The following PRELID2 variants were observed in gnomAD, a reference collection of about 807,000 sequenced individuals.
The protein encoded by PRELID2 is PRELI domain-containing protein 2.
Under a neutral mutation model 28.4 loss-of-function variants are expected in PRELID2, and 25 were observed. That is an observed-to-expected ratio of 0.88 (90% CI 0.64 to 1.23). The LOEUF (loss-of-function observed/expected upper bound fraction) is 1.23. Ranked by LOEUF, PRELID2 falls within the 50% of genes most tolerant of loss-of-function variation. The pLI, the probability that PRELID2 is intolerant of heterozygous loss-of-function variation, is 0.00. For synonymous variants in PRELID2, 76 were observed against 71.6 expected (o/e 1.06, Z -0.31); for missense variants, 201 against 214.4 (o/e 0.94, Z 0.39).
chr5:145,527,874 A>G (rs955906372), intron 1 of PRELID2, among the ~76,000 whole-genome samples: 22 of 152,154 alleles, frequency 1.4e-4, no homozygotes, highest in African/African-American at 4.8e-4. Context: ...GCACCCCGAA[A>G]GTGTTAACTT....
chr5:145,648,583 T>G (rs1006858817), intron 1 of PRELID2, among the ~76,000 whole-genome samples: 1 of 151,436 alleles, frequency 6.6e-6, no homozygotes, highest in Admixed American at 6.6e-5. Flanking sequence ...AGATTTCTTC[T>G]TAGCTCCTGG....
intron 5 of PRELID2, among the ~76,000 whole-genome samples, chr5:145,780,073 G>A (rs1486740960): frequency 6.6e-6 from 1 of 152,224 alleles, no homozygotes; most frequent in African/African-American, 2.4e-5. Context: ...AGCACTTTGG[G>A]AGGCCGAGGC....
At chr5:145,334,350 T>A in the PRELID2 span, among the ~76,000 whole-genome samples, 2 of 152,236 alleles carry the variant, frequency 1.3e-5, no homozygotes, top group African/African-American at 4.8e-5. Flanking sequence ...CTCTACACTT[T>A]TAATTCTCCC....
intron 5 of PRELID2, chr5:145,796,233 T>C (rs1752736874): frequency 2.6e-6 from 1 of 378,912 alleles, no homozygotes. Flanking sequence ...ATTGGCATAT[T>C]TTTAATTTAA....
rs149103603 is a variant in PRELID2 at position 145,600,679 on chromosome 5, T to C, written n.71-127364A>G. On this transcript the variant is annotated intron_variant and non_coding_transcript_variant, in intron 1 of 2. Transcript: ENST00000510259. ...CAAGTTTCCTACAGATTAATGGCAA[T>C]CAAATTTGTGTTAACAATCAAAGAT... is the stretch of plus-strand genomic sequence containing the variant. Among the ~76,000 whole-genome samples, 196 of 151,866 alleles carry C rather than the reference T, an allele frequency of 1.3e-3. 2 individuals carry two copies. Among genetic ancestry groups the C allele is most frequent in the African/African-American group, 4.6e-3 (191 of 41,374 alleles).
chr5:145,623,359 A>G (rs1250502163), intron 1 of PRELID2, among the ~76,000 whole-genome samples: 3 of 151,962 alleles, frequency 2.0e-5, no homozygotes, highest in Admixed American at 6.6e-5. Flanking sequence ...GAGACAAGAG[A>G]ATCACTTGAA....
chr5:145,391,096 G>A, the PRELID2 span, among the ~76,000 whole-genome samples: 1 of 152,300 alleles, frequency 6.6e-6, no homozygotes, highest in South Asian at 2.1e-4. Context: ...CTGATGTTGA[G>A]TGTCTGTGGC....
intron 1 of PRELID2, among the ~76,000 whole-genome samples, chr5:145,565,591 A>G (rs971808215): frequency 1.3e-5 from 2 of 152,256 alleles, no homozygotes; most frequent in Admixed American, 1.3e-4. Context: ...TCAACTCTAC[A>G]GCTCATGCTC....
At chr5:145,428,990 A>C in the PRELID2 span, among the ~76,000 whole-genome samples, 5 of 152,118 alleles carry the variant, frequency 3.3e-5, no homozygotes, top group East Asian at 9.7e-4. Context: ...ATAGGAAAAC[A>C]GTTCATGTGG....
chr5:145,687,116 G>A (rs1755052438), intron 1 of PRELID2, among the ~76,000 whole-genome samples: 1 of 152,142 alleles, frequency 6.6e-6, no homozygotes, highest in African/African-American at 2.4e-5. Context: ...AGGTTAACCT[G>A]GAAGAAGGTG....
intron 1 of PRELID2, among the ~76,000 whole-genome samples, chr5:145,824,338 C>T (rs1755025239): frequency 6.6e-6 from 1 of 152,030 alleles, no homozygotes; most frequent in East Asian, 1.9e-4. Flanking sequence ...AGAAAGGCCC[C>T]TCACTTTGCA....
the PRELID2 span, among the ~76,000 whole-genome samples, chr5:145,437,785 A>C: frequency 1.3e-5 from 2 of 152,140 alleles, no homozygotes; most frequent in African/African-American, 4.8e-5. Flanking sequence ...TAATAATCTC[A>C]AAACTGGATC....
At position 145,728,792 on chromosome 5, in the gene PRELID2, G is replaced by A. The variant is rs112521306; in HGVS notation, n.70+36139C>T. 1.4e-4 allele frequency: 158 copies of A among 1,135,812 alleles called. 1 individual carries two copies. The African/African-American group carries it at 1.6e-3, about 11-fold the overall frequency. The allele number at this position is 1,135,812 out of a possible 1,614,324, so 70.4% of individuals were successfully genotyped here. On this transcript the variant is annotated intron_variant and non_coding_transcript_variant, in intron 1 of 2. Coordinates refer to the PRELID2 transcript ENST00000510259. ...TTGCACCAATGTAGTAGGAGTAGAA[G>A]TTGTACGTTCCAATCATAAAGGCCA...
chr5:145,783,316 T>C (rs996733144), intron 5 of PRELID2, among the ~76,000 whole-genome samples: 1 of 152,214 alleles, frequency 6.6e-6, no homozygotes, highest in African/African-American at 2.4e-5. Context: ...GGTAAAGGCA[T>C]TGATTTAAAC....
At chr5:145,532,610 T>G (rs1580969924) in intron 1 of PRELID2, among the ~76,000 whole-genome samples, 1 of 152,000 alleles carries the variant, frequency 6.6e-6, no homozygotes. Flanking sequence ...ACCAATCTCT[T>G]CCCATTCCCC....
chr5:145,668,139 T>G (rs1022322101), intron 1 of PRELID2, among the ~76,000 whole-genome samples: 1 of 152,012 alleles, frequency 6.6e-6, no homozygotes, highest in Non-Finnish European at 1.5e-5. Context: ...AAAGATTTAG[T>G]GTTCCCCTGT....
chr5:145,419,462 G>T, the PRELID2 span, among the ~76,000 whole-genome samples: 1 of 125,746 alleles, frequency 8.0e-6, no homozygotes. Flanking sequence ...GTTTTGATTT[G>T]CATTTCTCTG....
chr5:145,301,219 A>C, the PRELID2 span, among the ~76,000 whole-genome samples: 1 of 152,072 alleles, frequency 6.6e-6, no homozygotes, highest in Non-Finnish European at 1.5e-5. Context: ...TTGTGGTTTT[A>C]ATTTTTATTT....
intron 1 of PRELID2, among the ~76,000 whole-genome samples, chr5:145,746,114 G>T (rs1049471949): frequency 6.6e-6 from 1 of 152,094 alleles, no homozygotes; most frequent in Non-Finnish European, 1.5e-5. Context: ...CAACTAGTGC[G>T]CAAAATAACC....
Sources: allele counts gnomAD v4.1 joint callset (sites outside exome capture counted in the v4.1 genomes callset), GRCh38; gene constraint gnomAD v4.1.1; transcripts MANE v1.5; gene names NCBI Gene and HGNC (gene_info 2026-07-23, HGNC 2026-07-21).